Variants in NRP1 observed in about 807,000 individuals in gnomAD.
NRP1 encodes the protein neuropilin-1.
A neutral mutation model predicts 106.7 loss-of-function variants in NRP1; 35 were observed. That is an observed-to-expected ratio of 0.33 (90% confidence interval 0.25 to 0.43). The LOEUF (loss-of-function observed/expected upper bound fraction) is 0.43. Among genes scored for constraint, NRP1 ranks in the 20% least tolerant of loss-of-function variants. NRP1 has a pLI of 1.00. For missense variants in NRP1, 1,024 were observed against 1,170.4 expected, an observed-to-expected ratio of 0.87 and a Z score of 1.83; for synonymous variants, 437 against 417.9, an observed-to-expected ratio of 1.05 and a Z score of -0.56.
chr10:33,233,988 T>C (rs1166776078), intron 6 of NRP1, among the ~76,000 whole-genome samples: 1 of 152,212 alleles, frequency 6.6e-6, no homozygotes, highest in Non-Finnish European at 1.5e-5. Context: ...TAACTTAGGA[T>C]CCTGGACTTC....
At chr10:33,294,031 G>A (rs2132649842) in intron 2 of NRP1, among the ~76,000 whole-genome samples, 1 of 152,346 alleles carries the variant, frequency 6.6e-6, no homozygotes, top group Non-Finnish European at 1.5e-5. Flanking sequence ...CAATGCTGGT[G>A]TGTGAGCAAA....
chr10:33,181,657 G>A (rs1335280778), intron 16 of NRP1, among the ~76,000 whole-genome samples: 9 of 152,206 alleles, frequency 5.9e-5, no homozygotes, highest in Non-Finnish European at 1.2e-4. Flanking sequence ...TGATCACAAA[G>A]CAGCGTTCAG....
intron 16 of NRP1, among the ~76,000 whole-genome samples, chr10:33,181,862 G>T (rs897903675): frequency 3.9e-5 from 6 of 152,200 alleles, no homozygotes; most frequent in Non-Finnish European, 5.9e-5. Context: ...CACTTTAGGA[G>T]GCTGAGGCCA....
At position 33,226,315 on chromosome 10, in the gene NRP1, AGTGC is replaced by A. The variant is rs766405953; in HGVS notation, c.982-30_982-27del. ...CTGCAAGACAAGTACAAGCGTGGTC[AGTGC>A]ACCATCCCTGCAGCACAGTAACCCA... On this transcript the variant is annotated intron_variant, in intron 6 of 16. Transcript: ENST00000374867. 6 of 1,613,350 alleles carry A rather than the reference AGTGC, an allele frequency of 3.7e-6. No homozygotes were observed. In the South Asian group the frequency reaches 6.6e-5, roughly 18 times the overall value.
At position 33,178,479 on chromosome 10, in the gene NRP1, A is replaced by T. The variant is rs1835496533; in HGVS notation, c.*1597T>A. On this transcript the variant is annotated 3_prime_UTR_variant, in exon 17 of 17. Coordinates refer to ENST00000374867, the MANE Select transcript of NRP1 (RefSeq NM_003873.7). Reference sequence around the variant, plus strand: ...GGTTGCTGTTATGAATTTTTAAAACATTTGTTTGACTTTATGTGTTTTTCC... The same window carrying T: ...GGTTGCTGTTATGAATTTTTAAAACTTTTGTTTGACTTTATGTGTTTTTCC... 7.9e-6 allele frequency: 1 copy of T among 126,960 alleles called. No individual in the cohort carries two copies. Among genetic ancestry groups the T allele is most frequent in the South Asian group, 2.5e-4 (1 of 4,024 alleles). 7.9% of individuals were successfully genotyped at this position (126,960 alleles called of 1,614,324 possible). A position where few individuals can be genotyped will look rare whatever the true frequency, so the allele number is the denominator to read the frequency against.
intron 15 of NRP1, among the ~76,000 whole-genome samples, chr10:33,185,152 A>C (rs1835918096): frequency 6.6e-6 from 1 of 152,240 alleles, no homozygotes; most frequent in African/African-American, 2.4e-5. Flanking sequence ...TAAAAGTCAG[A>C]AACATCTACT....
At chr10:33,226,046 C>T (rs1839637846) in intron 7 of NRP1, 88 bp downstream of exon 7, 5 of 1,419,616 alleles carry the variant, frequency 3.5e-6, no homozygotes, top group Non-Finnish European at 4.9e-6. Context: ...ATAAACCAGG[C>T]CAGACAGAAA....
At chr10:33,238,524 CAGTG>C (rs1367065133) in intron 6 of NRP1, among the ~76,000 whole-genome samples, 1 of 152,112 alleles carries the variant, frequency 6.6e-6, no homozygotes, top group Non-Finnish European at 1.5e-5. Context: ...GCCCTCTAGA[CAGTG>C]AGGGAAAGAG....
At chr10:33,334,059 C>T (rs879776258) in intron 1 of NRP1, among the ~76,000 whole-genome samples, 2 of 152,206 alleles carry the variant, frequency 1.3e-5, no homozygotes, top group Non-Finnish European at 2.9e-5. Flanking sequence ...ACAGCTCTGT[C>T]TTGTAACAGA....
intron 6 of NRP1, among the ~76,000 whole-genome samples, chr10:33,250,915 T>C: frequency 6.6e-6 from 1 of 152,244 alleles, no homozygotes; most frequent in East Asian, 1.9e-4. Context: ...CCTCAGAAGT[T>C]AAGTGTGGCT....
intron 13 of NRP1, 40 bp from the exon 14 acceptor site, chr10:33,186,528 A>G (rs557636418): frequency 2.6e-6 from 4 of 1,565,092 alleles, no homozygotes; most frequent in Non-Finnish European, 3.5e-6. Context: ...AGTGGCCAGG[A>G]TTACCACACT....
chr10:33,199,017 C>T (rs1282140761), intron 11 of NRP1, among the ~76,000 whole-genome samples: 2 of 152,104 alleles, frequency 1.3e-5, no homozygotes, highest in Non-Finnish European at 2.9e-5. Flanking sequence ...TAGCTTTACC[C>T]TCTCTTCCAC....
intron 2 of NRP1, among the ~76,000 whole-genome samples, chr10:33,294,674 C>T (rs1845254831): frequency 6.6e-6 from 1 of 150,644 alleles, no homozygotes; most frequent in South Asian, 2.1e-4. Flanking sequence ...GCCAAGGGGA[C>T]CAGAAGAGTA....
chr10:33,250,827 T>C (rs1841802836), intron 6 of NRP1, among the ~76,000 whole-genome samples: 1 of 152,166 alleles, frequency 6.6e-6, no homozygotes, highest in African/African-American at 2.4e-5. Context: ...TGATAAAGGA[T>C]TAGTGTCGTA....
At chr10:33,197,594 C>G (rs778357530) in intron 12 of NRP1, 56 bp downstream of exon 12, 1 of 1,400,544 alleles carries the variant, frequency 7.1e-7, no homozygotes, top group African/African-American at 1.4e-5. Context: ...AGGAGCGCAG[C>G]CGCGGAGAGA....
chr10:33,220,900 C>CAAAAAAAAAAAAAA (rs35895871), intron 8 of NRP1, among the ~76,000 whole-genome samples: 19 of 60,648 alleles, frequency 3.1e-4, no homozygotes, highest in Non-Finnish European at 4.0e-4. Flanking sequence ...GGCTCAGTCT[C>CAAAAAAAAAAAAAA]AAAAAAAAAA....
At chr10:33,294,565 T>C (rs533785142) in intron 2 of NRP1, among the ~76,000 whole-genome samples, 11 of 148,710 alleles carry the variant, frequency 7.4e-5, no homozygotes, top group African/African-American at 2.5e-4. Flanking sequence ...TTGTGGTGAG[T>C]TGACATCCGC....
At chr10:33,219,511 G>A (rs1839058868) in intron 8 of NRP1, among the ~76,000 whole-genome samples, 1 of 152,204 alleles carries the variant, frequency 6.6e-6, no homozygotes, top group African/African-American at 2.4e-5. Flanking sequence ...GAACTGAAAG[G>A]AAGCACCTTA....
At chr10:33,285,937 A>G (rs1441275037) in intron 2 of NRP1, among the ~76,000 whole-genome samples, 2 of 152,112 alleles carry the variant, frequency 1.3e-5, no homozygotes, top group East Asian at 3.9e-4. Context: ...CCCATCTTTG[A>G]CCCCCGGGTG....
Sources: gnomAD v4.1 joint callset for allele counts (sites outside exome capture counted in the v4.1 genomes callset) on GRCh38, gnomAD v4.1.1 for gene constraint, MANE v1.5 for transcripts, NCBI Gene and HGNC (gene_info 2026-07-23, HGNC 2026-07-21) for gene names.